Variants in BPTF observed in about 807,000 individuals in gnomAD.
BPTF encodes nucleosome-remodeling factor subunit BPTF.
BPTF carries 18 observed loss-of-function variants against 292.5 expected under a neutral mutation model. The ratio of observed to expected loss-of-function variants is 0.06; its 90% CI spans 0.04 to 0.09. The LOEUF (loss-of-function observed/expected upper bound fraction) is 0.09, where lower values mean the gene tolerates loss of function less well. Among genes scored for constraint, BPTF ranks in the 10% least tolerant of loss-of-function variants. The probability of loss-of-function intolerance (pLI) is 1.00; values close to 1 mark genes in which losing one functional copy is unlikely to be tolerated. For missense variants in BPTF, 2,726 were observed against 3,498.7 expected, an observed-to-expected ratio of 0.78 and a Z score of 5.57; for synonymous variants, 1,225 against 1,251.9, an observed-to-expected ratio of 0.98 and a Z score of 0.45.
In BPTF at chr17:67,866,676, C is replaced by A. The variant is rs138297396; in HGVS notation, c.1649C>A (p.Ala550Glu). The change falls in exon 3 of 28, where the codon GCG becomes GAG. Residue 550 changes from alanine (A) to glutamate (E), a missense_variant. By Grantham distance (107) the Ala-to-Glu change is moderately radical. This residue lies in a region of BPTF where 187 missense variants were observed against 201.5 expected (regional missense o/e 0.93). Coordinates refer to ENST00000306378, the MANE Select transcript of BPTF (RefSeq NM_182641.4). ...CGGGGCAGTAACAAATCCTTTCTGG[C>A]GGCAGCTAATGGTGAGAGGGGCATT... ...KARGSNKSFL[A>E]AANEEILESI... 5.9e-5 allele frequency: 95 copies of A among 1,612,458 alleles called. No individual in the cohort carries two copies. The highest frequency in any genetic ancestry group is 1.6e-5 in the Non-Finnish European group (19 of 1,178,854).
At chr17:67,942,669 G>A (rs1057133141) in intron 19 of BPTF, among the ~76,000 whole-genome samples, 7 of 152,142 alleles carry the variant, frequency 4.6e-5, no homozygotes, top group Non-Finnish European at 8.8e-5. Flanking sequence ...AGAATACATG[G>A]CATAAATATT....
chr17:67,901,857 C>G (rs989134273), intron 7 of BPTF, among the ~76,000 whole-genome samples: 3 of 152,154 alleles, frequency 2.0e-5, no homozygotes, highest in African/African-American at 7.2e-5. Context: ...ACTTTTGGAC[C>G]CAGCCATCCC....
intron 12 of BPTF, among the ~76,000 whole-genome samples, 154 bp downstream of exon 12, chr17:67,918,992 G>A (rs1174870353): frequency 2.0e-5 from 3 of 151,406 alleles, no homozygotes; most frequent in Admixed American, 6.6e-5. Flanking sequence ...CTAACATGGT[G>A]AAACCCCGTC....
At chr17:67,928,636 G>T in intron 16 of BPTF, 35 bp downstream of exon 16, 1 of 1,541,724 alleles carries the variant, frequency 6.5e-7, no homozygotes, top group Non-Finnish European at 8.8e-7. Flanking sequence ...GATTACTTTG[G>T]TTCAGGAAAA....
At chr17:67,957,941 G>C (rs549705790) in intron 23 of BPTF, among the ~76,000 whole-genome samples, 2 of 152,310 alleles carry the variant, frequency 1.3e-5, no homozygotes, top group Non-Finnish European at 2.9e-5. Context: ...TTTGTTCCTA[G>C]GGTAATAAGG....
intron 2 of BPTF, among the ~76,000 whole-genome samples, chr17:67,864,198 A>G (rs2059254380): frequency 6.6e-6 from 1 of 152,194 alleles, no homozygotes; most frequent in African/African-American, 2.4e-5. Context: ...TTGATTATAT[A>G]AACTGTATAT....
chr17:67,964,005 AG>A (rs2067764209), intron 24 of BPTF, among the ~76,000 whole-genome samples: 1 of 152,232 alleles, frequency 6.6e-6, no homozygotes, highest in South Asian at 2.1e-4. Context: ...AGTATTACAC[AG>A]TGTTCTTATA....
chr17:67,878,627 C>T (rs1332785614), intron 4 of BPTF, among the ~76,000 whole-genome samples: 1 of 152,052 alleles, frequency 6.6e-6, no homozygotes, highest in Non-Finnish European at 1.5e-5. Context: ...TTTTACTGTT[C>T]TTTGCACTTG....
At chr17:67,948,695 A>C (rs1458440908) in intron 23 of BPTF, among the ~76,000 whole-genome samples, 1 of 152,342 alleles carries the variant, frequency 6.6e-6, no homozygotes, top group African/African-American at 2.4e-5. Flanking sequence ...CCATTAAATA[A>C]GACAAATTGC....
Position 67,909,719 on chromosome 17 carries a change from A to G in BPTF, c.2950A>G (p.Asn984Asp), listed in dbSNP as rs769599803. 2 of 1,588,862 alleles carry G rather than the reference A, an allele frequency of 1.3e-6. No homozygotes were observed. Among genetic ancestry groups the G allele is most frequent in the South Asian group, 2.4e-5 (2 of 84,000 alleles). Residue 984 changes from asparagine to aspartate, a missense_variant, in exon 10 of 28, where the codon AAT (asparagine) becomes GAT (aspartate). By Grantham distance (23) the Asn-to-Asp change is conservative. Transcript: ENST00000306378. The stretch of plus-strand genomic sequence containing the variant: ...AGATGCTGCAAAAGGAGCAGACCAA[A>G]ATGAAATGGATATCTCAAAGATTAC... The part of the protein sequence containing the change: ...GSDAAKGADQ[N>D]EMDISKITEK...
intron 9 of BPTF, among the ~76,000 whole-genome samples, chr17:67,906,890 A>G (rs12947658): frequency 0.5 from 76,510 of 152,000 alleles, 24,005 homozygotes; most frequent in Non-Finnish European, 0.69. Flanking sequence ...AAGAAGGTAA[A>G]GAATAGGAAA....
chr17:67,899,187 T>G (rs1012834173), intron 7 of BPTF, among the ~76,000 whole-genome samples: 3 of 152,028 alleles, frequency 2.0e-5, no homozygotes, highest in African/African-American at 7.3e-5. Context: ...GGTAGACAAA[T>G]GGCAGCCTAC....
In BPTF at chr17:67,893,634, G is replaced by C; in HGVS notation, c.2320G>C (p.Val774Leu). 6.2e-7 allele frequency: 1 copy of C among 1,611,828 alleles called. No individual in the cohort carries two copies. The highest frequency in any genetic ancestry group is 1.1e-5 in the South Asian group (1 of 91,014). Residue 774 changes from valine to leucine, a missense_variant, in exon 6 of 28, where the codon GTT becomes CTT. Val to Leu is a conservative substitution (Grantham distance 32, BLOSUM62 1). This residue lies in a region of BPTF where 99 missense variants were observed against 227.1 expected (regional missense o/e 0.44). Coordinates refer to ENST00000306378, the MANE Select transcript of BPTF (RefSeq NM_182641.4). ...KWNGSVHGSKVLTISTLRLTI... is the reference protein window; with the variant it reads ...KWNGSVHGSKLLTISTLRLTI... The stretch of plus-strand genomic sequence containing the variant: ...GAACGGTTCTGTCCATGGGTCCAAA[G>C]TTCTTACCATATCTACTCTGAGACT...
chr17:67,921,739 CTTAAAA>C (rs571975287), intron 13 of BPTF, among the ~76,000 whole-genome samples: 70 of 151,702 alleles, frequency 4.6e-4, no homozygotes, highest in Non-Finnish European at 8.0e-4. Flanking sequence ...TTTTAGCTTA[CTTAAAA>C]CAGCGGCCAG....
intron 1 of BPTF, among the ~76,000 whole-genome samples, chr17:67,842,606 C>T (rs1007762426): frequency 1.3e-5 from 2 of 152,034 alleles, no homozygotes; most frequent in African/African-American, 4.8e-5. Flanking sequence ...TTTAGAAACT[C>T]ACAAACGAGA....
intron 4 of BPTF, among the ~76,000 whole-genome samples, chr17:67,880,833 A>G (rs773060656): frequency 3.3e-5 from 5 of 151,900 alleles, no homozygotes; most frequent in Non-Finnish European, 5.9e-5. Flanking sequence ...TCTATCAGAG[A>G]ACATTCTATG....
At chr17:67,969,288 A>T (rs1191126570) in intron 26 of BPTF, among the ~76,000 whole-genome samples, 1 of 148,506 alleles carries the variant, frequency 6.7e-6, no homozygotes, top group Non-Finnish European at 1.5e-5. Context: ...CTCTACTACA[A>T]AAAAAAAATA....
intron 4 of BPTF, among the ~76,000 whole-genome samples, chr17:67,888,942 A>G (rs918320253): frequency 6.6e-6 from 1 of 152,216 alleles, no homozygotes; most frequent in Non-Finnish European, 1.5e-5. Flanking sequence ...ACTCACTTGT[A>G]GATTCCTAGG....
chr17:67,905,087 G>A (rs9897868), intron 9 of BPTF, among the ~76,000 whole-genome samples: 10,146 of 151,994 alleles, frequency 0.067, 1,144 homozygotes, highest in African/African-American at 0.23. Context: ...CGCCTCAGCC[G>A]CCTGATTATC....
Sources: gnomAD v4.1 joint callset for allele counts (sites outside exome capture counted in the v4.1 genomes callset) on GRCh38, gnomAD v4.1.1 for gene constraint, gnomAD v4.1.1 regional missense constraint, MANE v1.5 for transcripts, NCBI Gene and HGNC (gene_info 2026-07-23, HGNC 2026-07-21) for gene names.